The following MSL1 variants were observed in gnomAD, a reference collection of about 807,000 sequenced individuals.
MSL1 encodes male-specific lethal 1 homolog.
In MSL1, 21 loss-of-function variants were observed where a neutral mutation model predicts 64.6. The ratio of observed to expected loss-of-function variants is 0.33; its 90% confidence interval spans 0.23 to 0.47. The LOEUF is 0.47. Among genes scored for constraint, MSL1 ranks in the 20% least tolerant of loss-of-function variants. The probability of loss-of-function intolerance (pLI) is 1.00; values close to 1 mark genes in which losing one functional copy is unlikely to be tolerated. For missense variants in MSL1, 664 were observed against 793.2 expected (o/e 0.84, Z 1.96); for synonymous variants, 339 against 329.6 (o/e 1.03, Z -0.31).
In MSL1 at chr17:40,131,707, G is replaced by T. The variant is rs1988440905; in HGVS notation, c.1423+123G>T. 3.3e-6 allele frequency: 3 copies of T among 897,688 alleles called. No individual in the cohort carries two copies. In the South Asian group the frequency reaches 4.0e-5, roughly 12 times the overall value. The allele number at this position is 897,688 out of a possible 1,614,324, so 55.6% of individuals were successfully genotyped here. A position where few individuals can be genotyped will look rare whatever the true frequency, so the allele number is the denominator to read the frequency against. On this transcript the variant is annotated intron_variant, in intron 4 of 8. Coordinates refer to ENST00000398532, the MANE Select transcript of MSL1 (RefSeq NM_001365919.1). The surrounding 1 kb of genome is among the most constrained non-coding windows in gnomAD (Gnocchi z 4.5). The stretch of plus-strand genomic sequence containing the variant: ...GACTGAGATTTCTTGGTGTATGATT[G>T]ATTACACTACTATAGACTTCAAAAT...
In MSL1 at chr17:40,133,910, A is replaced by AT. The variant is rs753585016; in HGVS notation, c.1754+19dup. On this transcript the variant is annotated intron_variant, in intron 8 of 8. Transcript: ENST00000398532. The stretch of plus-strand genomic sequence containing the variant: ...AAAATTAACTCCACAGTAAGTATAC[A>AT]TTTTTTTTCTCCCCTTCCAGGTAAC... 6.8e-6 allele frequency: 11 copies of AT among 1,610,490 alleles called. No homozygotes were observed. The highest frequency in any genetic ancestry group is 4.4e-5 in the South Asian group (4 of 91,002).
intron 5 of MSL1, 38 bp from the exon 6 acceptor site, chr17:40,133,004 G>A: frequency 6.4e-7 from 1 of 1,572,750 alleles, no homozygotes; most frequent in Non-Finnish European, 8.7e-7. Context: ...ACTAATATAT[G>A]GTGATAAATA....
At chr17:40,133,777 C>T in intron 7 of MSL1, 50 bp from the exon 8 acceptor site, 1 of 1,610,286 alleles carries the variant, frequency 6.2e-7, no homozygotes, top group South Asian at 1.1e-5. Context: ...AGCTTCTAGA[C>T]ATTTCCCATC....
Position 40,129,572 on chromosome 17 carries a change from C to G in MSL1, c.1320C>G (p.Pro440=), listed in dbSNP as rs778535181. The change falls in exon 3 of 9, where the codon CCC becomes CCG. Residue 440 remains proline (P), a synonymous_variant. Coordinates refer to ENST00000398532, the MANE Select transcript of MSL1 (RefSeq NM_001365919.1). ...ATTTGTGTCGTTGGCACCAGCCTCC[C>G]CCATCACCGTTACCATTACGGGAAT... ...EMYLCRWHQP[P]PSPLPLRESS... The G allele has an allele frequency of 1.5e-5, 25 of 1,613,392 alleles. No individual in the cohort carries two copies. The South Asian group carries it at 2.5e-4, about 16-fold the overall frequency.
In MSL1 at chr17:40,135,839, TTGTGTGTGTGTG is replaced by T. The variant is rs112133915; in HGVS notation, c.*1483_*1494del. ...GATCTTGCTGCTCTTATTTCTCCTT[TTGTGTGTGTGTG>T]TGTGTGTGTGTGGCTATGGGTTTTC... On this transcript the variant is annotated 3_prime_UTR_variant, in exon 9 of 9. Coordinates refer to ENST00000398532, the MANE Select transcript of MSL1 (RefSeq NM_001365919.1). 6.7e-6 allele frequency: 1 copy of T among 148,838 alleles called. No homozygotes were observed. The highest frequency in any genetic ancestry group is 1.9e-4 in the East Asian group (1 of 5,214). The allele number at this position is 148,838 out of a possible 1,614,324, so 9.2% of individuals were successfully genotyped here.
rs1255881372 is a variant in MSL1, at chr17:40,133,528, T to C, written c.1557-6T>C. 6.2e-7 allele frequency: 1 copy of C among 1,607,348 alleles called. No individual in the cohort carries two copies. Among genetic ancestry groups the C allele is most frequent in the African/African-American group, 1.3e-5 (1 of 74,700 alleles). ...TTCTTTGTTTTGTTTGGTTTGTTTT[T>C]CCCAGATGGGATATTCAGAGGATCA... On this transcript the variant is annotated splice_region_variant and splice_polypyrimidine_tract_variant and intron_variant, in intron 6 of 8. Transcript: ENST00000398532.
chr17:40,123,046 C>T lies in MSL1; in HGVS notation c.434C>T (p.Ala145Val), dbSNP rs1173212786. Residue 145 changes from alanine (A) to valine (V), a missense_variant, in exon 1 of 9, where the codon GCG (alanine) becomes GTG (valine). Physicochemically the swap from Ala to Val is moderately conservative, Grantham distance 64 (BLOSUM62 0). This residue lies in a region of MSL1 where 466 missense variants were observed against 499.0 expected (regional missense o/e 0.93). Coordinates refer to ENST00000398532, the MANE Select transcript of MSL1 (RefSeq NM_001365919.1). Reference protein sequence around the residue: ...LPIQTGSLVAAAKEPTPWAGD... With the variant: ...LPIQTGSLVAVAKEPTPWAGD... ...ATTCAGACGGGCTCTCTCGTGGCGG[C>T]GGCCAAAGAGCCTACGCCCTGGGCT... is the stretch of plus-strand genomic sequence containing the variant. The T allele has an allele frequency of 1.1e-5, 17 of 1,531,668 alleles. No homozygotes were observed. The highest frequency in any genetic ancestry group is 4.9e-5 in the East Asian group (2 of 40,420). 94.9% of individuals were successfully genotyped at this position (1,531,668 alleles called of 1,614,324 possible). A position where few individuals can be genotyped will look rare whatever the true frequency, so the allele number is the denominator to read the frequency against.
Position 40,126,128 on chromosome 17 carries a change from C to T in MSL1, c.769-55C>T, listed in dbSNP as rs1057370026. ...CTGATTCCTAAATGGGGCTAAGTAT[C>T]TGTGTGTTTAATTTTTTATGTGTTA... On this transcript the variant is annotated intron_variant, in intron 1 of 8. Coordinates refer to ENST00000398532, the MANE Select transcript of MSL1 (RefSeq NM_001365919.1). 9 of 1,505,320 alleles carry T rather than the reference C, an allele frequency of 6.0e-6. No homozygotes were observed. The East Asian group carries it at 1.1e-4, about 19-fold the overall frequency. 93.2% of individuals were successfully genotyped at this position (1,505,320 alleles called of 1,614,324 possible).
At position 40,126,240 on chromosome 17, in the gene MSL1, G is replaced by C; in HGVS notation, c.826G>C (p.Glu276Gln). The C allele has an allele frequency of 1.2e-6, 2 of 1,614,014 alleles. No individual in the cohort carries two copies. Among genetic ancestry groups the C allele is most frequent in the Non-Finnish European group, 8.5e-7 (1 of 1,179,888 alleles). ...RRMQLVKKDN[E>Q]KERHKLFQGY... ...GATGCAGCTGGTAAAGAAGGATAACGAGAAAGAAAGGCACAAGCTGTTTCA... is the reference window on the plus strand; with the variant it reads ...GATGCAGCTGGTAAAGAAGGATAACCAGAAAGAAAGGCACAAGCTGTTTCA... The change falls in exon 2 of 9, where the codon GAG becomes CAG. Residue 276 changes from glutamate to glutamine, a missense_variant. Physicochemically the swap from Glu to Gln is conservative, Grantham distance 29. This residue lies in a region of MSL1 where 466 missense variants were observed against 499.0 expected (regional missense o/e 0.93). Coordinates refer to ENST00000398532, the MANE Select transcript of MSL1 (RefSeq NM_001365919.1).
intron 6 of MSL1, 29 bp from the exon 7 acceptor site, chr17:40,133,505 C>G: frequency 6.3e-7 from 1 of 1,594,638 alleles, no homozygotes; most frequent in Non-Finnish European, 8.5e-7. Context: ...TGTTGGGTTT[C>G]TTTGTTTTGT....
chr17:40,131,181 G>A lies in MSL1; in HGVS notation c.1376-356G>A, dbSNP rs1186536045. 9.8e-6 allele frequency: 2 copies of A among 204,584 alleles called. No homozygotes were observed. Among genetic ancestry groups the A allele is most frequent in the East Asian group, 2.5e-4 (2 of 7,944 alleles). 12.7% of individuals were successfully genotyped at this position (204,584 alleles called of 1,614,324 possible). A position where few individuals can be genotyped will look rare whatever the true frequency, so the allele number is the denominator to read the frequency against. ...GGAGCTGTTTAAGAAGACTACATAT[G>A]TAAGTTTTGAGAACACTGATCTTTT... On this transcript the variant is annotated intron_variant, in intron 3 of 8. Transcript: ENST00000398532. This position sits in a 1 kb window ranked among gnomAD's most constrained non-coding sequence, Gnocchi z 4.5.
In MSL1 at chr17:40,123,291, C is replaced by G; in HGVS notation, c.679C>G (p.Leu227Val). Residue 227 changes from leucine (L) to valine (V), a missense_variant, in exon 1 of 9, where the codon CTG becomes GTG. Coordinates refer to ENST00000398532, the MANE Select transcript of MSL1 (RefSeq NM_001365919.1). ...GGCCGCCTGCCTCAAACAGATCCTT[C>G]TGCTGCAATTGGACCTCATCGAACA... ...SQAACLKQILLLQLDLIEQQQ... is the reference protein window; with the variant it reads ...SQAACLKQILVLQLDLIEQQQ... 6.5e-7 allele frequency: 1 copy of G among 1,536,088 alleles called. No individual in the cohort carries two copies. Among genetic ancestry groups the G allele is most frequent in the Non-Finnish European group, 8.7e-7 (1 of 1,146,894 alleles).
At chr17:40,129,735 TTC>T in intron 3 of MSL1, 108 bp downstream of exon 3, 1 of 1,228,680 alleles carries the variant, frequency 8.1e-7, no homozygotes, top group South Asian at 1.7e-5. Context: ...TAAAGCAGAG[TTC>T]TGTCAAGAAT....
Position 40,122,439 on chromosome 17 carries a change from G to C in MSL1, c.-174G>C, listed in dbSNP as rs1427920752. The C allele has an allele frequency of 4.7e-6, 2 of 421,410 alleles. No homozygotes were observed. The highest frequency in any genetic ancestry group is 4.1e-5 in the African/African-American group (2 of 48,202). 26.1% of individuals were successfully genotyped at this position (421,410 alleles called of 1,614,324 possible). ...AGCCGCGGCCTCCACGTCTCCGCAC[G>C]CCGGCGGGATGGCGCCCGGGCCCCG... On this transcript the variant is annotated 5_prime_UTR_variant, in exon 1 of 9. Coordinates refer to ENST00000398532, the MANE Select transcript of MSL1 (RefSeq NM_001365919.1). This position sits in a 1 kb window ranked among gnomAD's most constrained non-coding sequence, Gnocchi z 4.2.
Position 40,123,924 on chromosome 17 carries a change from C to G in MSL1, c.768+544C>G, listed in dbSNP as rs79006024. On this transcript the variant is annotated intron_variant, in intron 1 of 8. Transcript: ENST00000398532. ...TTCTTAAATGATATTAAGAGAATCA[C>G]TGCCTTTGATTTCAGACAGCTTTTA... is the stretch of plus-strand genomic sequence containing the variant. 9.1e-3 allele frequency among the ~76,000 whole-genome samples: 1,384 copies of G among 152,254 alleles called. 7 individuals are homozygous for G. Among genetic ancestry groups the G allele is most frequent in the Non-Finnish European group, 0.014 (966 of 68,014 alleles).
chr17:40,122,332 C>T lies in MSL1; in HGVS notation c.-281C>T, dbSNP rs1988193549. The stretch of plus-strand genomic sequence containing the variant: ...GGATGAGCTCGGGGGCGGCTGGGTG[C>T]GAGCTCCTGCCTCTGAGGCGAAGGC... On this transcript the variant is annotated 5_prime_UTR_variant, in exon 1 of 9. Transcript: ENST00000398532. The surrounding 1 kb of genome is among the most constrained non-coding windows in gnomAD (Gnocchi z 4.2). The T allele has an allele frequency of 1.1e-5, 2 of 190,118 alleles. No homozygotes were observed. The highest frequency in any genetic ancestry group is 2.1e-5 in the Non-Finnish European group (2 of 94,136). 11.8% of individuals were successfully genotyped at this position (190,118 alleles called of 1,614,324 possible).
chr17:40,122,703 C>G lies in MSL1; in HGVS notation c.91C>G (p.Leu31Val), dbSNP rs1487524328. 1.3e-6 allele frequency: 2 copies of G among 1,482,756 alleles called. No individual in the cohort carries two copies. The highest frequency in any genetic ancestry group is 1.5e-5 in the African/African-American group (1 of 68,230). 91.8% of individuals were successfully genotyped at this position (1,482,756 alleles called of 1,614,324 possible). A position where few individuals can be genotyped will look rare whatever the true frequency, so the allele number is the denominator to read the frequency against. The change falls in exon 1 of 9, where the codon CTG becomes GTG. Residue 31 changes from leucine to valine, a missense_variant. Physicochemically the swap from Leu to Val is conservative, Grantham distance 32. Coordinates refer to ENST00000398532, the MANE Select transcript of MSL1 (RefSeq NM_001365919.1). This position sits in a 1 kb window ranked among gnomAD's most constrained non-coding sequence, Gnocchi z 4.2. The stretch of plus-strand genomic sequence containing the variant: ...ACTGGACTACGAGCGGGCTGCGGCG[C>G]TGGGCGGGCCCGAGGACGAGCCTGG... ...QRLDYERAAA[L>V]GGPEDEPGAA...
intron 1 of MSL1, among the ~76,000 whole-genome samples, chr17:40,123,982 G>A (rs1250943831): frequency 6.6e-6 from 1 of 152,268 alleles, no homozygotes; most frequent in East Asian, 1.9e-4. Flanking sequence ...ATGACCCACT[G>A]ACCAGGTCCC....
rs1371019822 is a variant in MSL1, at chr17:40,126,370, C to A, written c.956C>A (p.Pro319His). The A allele has an allele frequency of 4.1e-5, 66 of 1,613,848 alleles. 1 individual carries two copies. Among genetic ancestry groups the A allele is most frequent in the Non-Finnish European group, 5.3e-5 (63 of 1,179,892 alleles). ...SETSQTLPPKPFSCGRSGKGH... is the reference protein window; with the variant it reads ...SETSQTLPPKHFSCGRSGKGH... ...ACATCCCAGACTCTGCCTCCCAAGCCCTTCTCATGTGGGCGGAGTGGAAAG... is the reference window on the plus strand; with the variant it reads ...ACATCCCAGACTCTGCCTCCCAAGCACTTCTCATGTGGGCGGAGTGGAAAG... Residue 319 changes from proline (P) to histidine (H), a missense_variant, in exon 2 of 9, where the codon CCC becomes CAC. By Grantham distance (77) the Pro-to-His change is moderately conservative. This residue lies in a region of MSL1 where 466 missense variants were observed against 499.0 expected (regional missense o/e 0.93). Coordinates refer to ENST00000398532, the MANE Select transcript of MSL1 (RefSeq NM_001365919.1).
Sources: allele counts gnomAD v4.1 joint callset (sites outside exome capture counted in the v4.1 genomes callset), GRCh38; gene constraint gnomAD v4.1.1; regional missense constraint gnomAD v4.1.1; non-coding constraint Gnocchi (gnomAD v3.1); transcripts MANE v1.5; gene names NCBI Gene and HGNC (gene_info 2026-07-23, HGNC 2026-07-21).